CELF4: variants seen among roughly 807,000 people sequenced by gnomAD.
The protein encoded by CELF4 is CUGBP Elav-like family member 4, also known as CUG-BP- and ETR-3-like factor 4.
A neutral mutation model predicts 59.9 loss-of-function variants in CELF4; 18 were observed. That is an observed-to-expected ratio of 0.30 (90% CI 0.21 to 0.45). The LOEUF is 0.45. Among genes scored for constraint, CELF4 ranks in the 20% least tolerant of loss-of-function variants. The pLI is 1.00. For missense variants in CELF4, 456 were observed against 689.0 expected, an observed-to-expected ratio of 0.66 and a Z score of 3.79; for synonymous variants, 261 against 267.1, an observed-to-expected ratio of 0.98 and a Z score of 0.22.
At chr18:37,265,583 A>C (rs1388584728) in intron 9 of CELF4, among the ~76,000 whole-genome samples, 1 of 152,180 alleles carries the variant, frequency 6.6e-6, no homozygotes, top group East Asian at 1.9e-4. Flanking sequence ...CCCCAGGGGC[A>C]GAGGACTGAG....
At chr18:37,308,227 TG>T (rs2096514400) in intron 3 of CELF4, among the ~76,000 whole-genome samples, 1 of 152,110 alleles carries the variant, frequency 6.6e-6, no homozygotes, top group African/African-American at 2.4e-5. Context: ...ACTCCCTCTC[TG>T]GTATCGAAGA....
chr18:37,366,361 C>T lies in CELF4; in HGVS notation c.370-44480G>A, dbSNP rs72885349. 6.5e-4 allele frequency among the ~76,000 whole-genome samples: 99 copies of T among 152,294 alleles called. No homozygotes were observed. The Middle Eastern group carries it at 0.01, about 16-fold the overall frequency. On this transcript the variant is annotated intron_variant, in intron 2 of 12. Coordinates refer to ENST00000420428, the MANE Select transcript of CELF4 (RefSeq NM_020180.4). ...ACCCAGATGTCAGCTCTCCTGTGTC[C>T]AGGCCCTCACTTCTCATCTCCACTT...
chr18:37,266,526 T>C lies in CELF4; in HGVS notation c.1165+7A>G, dbSNP rs1012731984. The C allele has an allele frequency of 6.3e-7, 1 of 1,589,758 alleles. No homozygotes were observed. The highest frequency in any genetic ancestry group is 1.2e-5 in the South Asian group (1 of 86,850). On this transcript the variant is annotated splice_region_variant and intron_variant, in intron 9 of 12. Transcript: ENST00000420428. Reference sequence around the variant, plus strand: ...GGAAGGAGCCGTGGGGACGCGTGGATACTAACGACCTGCATACTGCTGCAC... The same window carrying C: ...GGAAGGAGCCGTGGGGACGCGTGGACACTAACGACCTGCATACTGCTGCAC...
intron 3 of CELF4, among the ~76,000 whole-genome samples, chr18:37,283,476 C>T (rs1207809374): frequency 6.6e-6 from 1 of 152,138 alleles, no homozygotes; most frequent in Non-Finnish European, 1.5e-5. Flanking sequence ...AATGAGATGT[C>T]CATGTTCATT....
intron 1 of CELF4, among the ~76,000 whole-genome samples, chr18:37,524,225 C>CG (rs1251450952): frequency 6.6e-6 from 1 of 152,160 alleles, no homozygotes; most frequent in Non-Finnish European, 1.5e-5. Flanking sequence ...ATATCCACCT[C>CG]GGGGAGGGAA....
chr18:37,480,728 G>T (rs7229872), intron 2 of CELF4, among the ~76,000 whole-genome samples: 2 of 151,768 alleles, frequency 1.3e-5, no homozygotes, highest in South Asian at 2.1e-4. Context: ...AGTTGAAAGA[G>T]GGAGGGAGGA....
At chr18:37,338,796 T>TGTGTGTGTG (rs2097879540) in intron 2 of CELF4, among the ~76,000 whole-genome samples, 2 of 126,832 alleles carry the variant, frequency 1.6e-5, no homozygotes, top group Non-Finnish European at 3.4e-5. Context: ...GTGTGTGTGG[T>TGTGTGTGTG]GTGTGTGATC....
intron 2 of CELF4, among the ~76,000 whole-genome samples, chr18:37,353,836 C>T (rs2098513013): frequency 1.3e-5 from 2 of 150,188 alleles, no homozygotes; most frequent in Non-Finnish European, 3.0e-5. Context: ...GGCTCACTGC[C>T]AGCTCCACCT....
At chr18:37,366,583 C>T (rs1167293627) in intron 2 of CELF4, among the ~76,000 whole-genome samples, 1 of 152,186 alleles carries the variant, frequency 6.6e-6, no homozygotes, top group Non-Finnish European at 1.5e-5. Flanking sequence ...TCAGTAGGAC[C>T]TGAGGCTTGG....
chr18:37,406,462 C>G (rs2154588805), intron 2 of CELF4, among the ~76,000 whole-genome samples: 1 of 152,302 alleles, frequency 6.6e-6, no homozygotes, highest in African/African-American at 2.4e-5. Flanking sequence ...GCGCTATGGG[C>G]TTGCTGGAAT....
intron 1 of CELF4, among the ~76,000 whole-genome samples, chr18:37,526,068 C>T (rs1187206446): frequency 6.6e-6 from 1 of 152,190 alleles, no homozygotes; most frequent in Non-Finnish European, 1.5e-5. Flanking sequence ...ATTATCCCTG[C>T]AGTTCAGGAA....
At chr18:37,270,744 A>AT (rs1472548359) in intron 8 of CELF4, 24 bp downstream of exon 8, 3 of 1,613,474 alleles carry the variant, frequency 1.9e-6, no homozygotes, top group Admixed American at 1.7e-5. Flanking sequence ...GCATACGGAA[A>AT]TAAGTGCTGA....
At position 37,244,821 on chromosome 18, in the gene CELF4, C is replaced by CTGGTG. The variant is rs2061488364; in HGVS notation, c.*420_*421insCACCA. On this transcript the variant is annotated 3_prime_UTR_variant, in exon 13 of 13. Coordinates refer to ENST00000420428, the MANE Select transcript of CELF4 (RefSeq NM_020180.4). ...GGGACCAGGCCCCACGCACCACTTG[C>CTGGTG]CCCAGCCTGCGTCAGGCGCCCGTGG... 1 of 152,634 alleles carries CTGGTG rather than the reference C, an allele frequency of 6.6e-6. No homozygotes were observed. The highest frequency in any genetic ancestry group is 2.4e-5 in the African/African-American group (1 of 41,458). 9.5% of individuals were successfully genotyped at this position (152,634 alleles called of 1,614,324 possible).
chr18:37,300,922 C>T (rs1037198814), intron 3 of CELF4, among the ~76,000 whole-genome samples: 1 of 152,152 alleles, frequency 6.6e-6, no homozygotes, highest in Admixed American at 6.5e-5. Context: ...GCCATGAGGC[C>T]AGGCGCCTGG....
intron 2 of CELF4, among the ~76,000 whole-genome samples, chr18:37,328,865 GA>G (rs967231491): frequency 6.6e-6 from 1 of 152,156 alleles, no homozygotes. Flanking sequence ...ACTGCTCTGA[GA>G]AAACAGACAT....
intron 2 of CELF4, among the ~76,000 whole-genome samples, chr18:37,355,837 G>A (rs2098554071): frequency 6.6e-6 from 1 of 152,230 alleles, no homozygotes; most frequent in Non-Finnish European, 1.5e-5. Flanking sequence ...CCTGGGCTCT[G>A]TGCCACTGCC....
chr18:37,264,923 G>A (rs543665312), intron 9 of CELF4, among the ~76,000 whole-genome samples, 166 bp from the exon 10 acceptor site: 3 of 152,316 alleles, frequency 2.0e-5, no homozygotes, highest in Admixed American at 6.5e-5. Context: ...ACTAACAGAG[G>A]AGTTGCAAGG....
intron 2 of CELF4, among the ~76,000 whole-genome samples, chr18:37,395,454 G>A (rs1017908513): frequency 3.9e-5 from 6 of 152,294 alleles, no homozygotes; most frequent in African/African-American, 9.6e-5. Flanking sequence ...CACACTTCAT[G>A]CATAGCAGGT....
intron 2 of CELF4, among the ~76,000 whole-genome samples, chr18:37,343,648 C>T (rs965157217): frequency 1.3e-5 from 2 of 151,942 alleles, no homozygotes; most frequent in Admixed American, 6.6e-5. Flanking sequence ...AAGGGACTGC[C>T]TGACTGCAAG....
Sources: allele counts gnomAD v4.1 joint callset (sites outside exome capture counted in the v4.1 genomes callset), GRCh38; gene constraint gnomAD v4.1.1; transcripts MANE v1.5; gene names NCBI Gene and HGNC (gene_info 2026-07-23, HGNC 2026-07-21).